The following NLRP12 variants were observed in gnomAD, a reference collection of about 807,000 sequenced individuals.
NLRP12 encodes the protein NLR family pyrin domain containing 12, also known as NACHT, LRR and PYD domains-containing protein 12.
In NLRP12, 108 loss-of-function variants were observed where a neutral mutation model predicts 91.2. The observed-to-expected ratio is 1.18, with a 90% CI of 1.01 to 1.39. NLRP12 has a LOEUF of 1.39. Ranked by LOEUF, NLRP12 falls within the 40% of genes most tolerant of loss-of-function variation. The pLI, the probability that NLRP12 is intolerant of heterozygous loss-of-function variation, is 0.00. For missense variants in NLRP12, 1,530 were observed against 1,352.7 expected (o/e 1.13, Z -2.06); for synonymous variants, 613 against 566.7 (o/e 1.08, Z -1.16).
intron 4 of NLRP12, among the ~76,000 whole-genome samples, chr19:53,806,533 T>A (rs1053164093): frequency 8.0e-5 from 12 of 150,936 alleles, no homozygotes; most frequent in African/African-American, 2.9e-4. Flanking sequence ...TACAAAAAAT[T>A]AGCTGGGCAT....
At chr19:53,823,562 T>A (rs2092301724) in intron 1 of NLRP12, among the ~76,000 whole-genome samples, 1 of 137,258 alleles carries the variant, frequency 7.3e-6, no homozygotes, top group African/African-American at 2.8e-5. Context: ...ATATTTTAAA[T>A]ATTTGAGGCA....
At chr19:53,804,923 G>T (rs1421997684) in intron 5 of NLRP12, among the ~76,000 whole-genome samples, 1 of 151,936 alleles carries the variant, frequency 6.6e-6, no homozygotes, top group Non-Finnish European at 1.5e-5. Context: ...CCAGCTACTT[G>T]GGAGCCTGAG....
At chr19:53,802,580 G>A (rs151193191) in intron 6 of NLRP12, among the ~76,000 whole-genome samples, 11 of 151,652 alleles carry the variant, frequency 7.3e-5, no homozygotes, top group South Asian at 2.1e-4. Flanking sequence ...GGTGGCAGGC[G>A]CCTGTAGTCC....
At chr19:53,819,668 C>CGTATATATATATACACACGTAT (rs1555799178) in intron 1 of NLRP12, among the ~76,000 whole-genome samples, 1 of 8,648 alleles carries the variant, frequency 1.2e-4, no homozygotes, top group Non-Finnish European at 2.8e-4. Context: ...CACATGTATA[C>CGTATATATATATACACACGTAT]ATATATGTAT....
chr19:53,821,031 C>CTTTTTTT (rs1158419664), intron 1 of NLRP12, among the ~76,000 whole-genome samples: 51 of 81,272 alleles, frequency 6.3e-4, no homozygotes, highest in Non-Finnish European at 8.2e-4. Context: ...CATATTTTTT[C>CTTTTTTT]TTTTTTTTTT....
chr19:53,806,246 G>GA (rs2091956213), intron 4 of NLRP12, among the ~76,000 whole-genome samples: 1 of 151,564 alleles, frequency 6.6e-6, no homozygotes, highest in Non-Finnish European at 1.5e-5. Flanking sequence ...AATAACATAT[G>GA]AAAAAAATTT....
intron 1 of NLRP12, among the ~76,000 whole-genome samples, chr19:53,817,539 C>G (rs2092180531): frequency 6.6e-6 from 1 of 151,242 alleles, no homozygotes; most frequent in Admixed American, 6.6e-5. Flanking sequence ...AGTTCAAGAC[C>G]AGTCTGACCA....
At position 53,804,401 on chromosome 19, in the gene NLRP12, G is replaced by GGGTTTTTTT. The variant is rs2091923732; in HGVS notation, c.2415-280_2415-279insAAAAAAACC. 4.2e-5 allele frequency among the ~76,000 whole-genome samples: 3 copies of GGGTTTTTTT among 71,596 alleles called. No homozygotes were observed. In the Admixed American group the frequency reaches 5.9e-4, roughly 14 times the overall value. The allele number at this position is 71,596 out of a possible 152,430, so 47.0% of individuals were successfully genotyped here. On this transcript the variant is annotated intron_variant, in intron 5 of 9. Coordinates refer to ENST00000324134, the MANE Select transcript of NLRP12 (RefSeq NM_144687.4). The stretch of plus-strand genomic sequence containing the variant: ...TTTTTTGTTTTTTTTGGGTTTTTTT[G>GGGTTTTTTT]TTTTTTTTTTTTTTTGAGGTAGAAC...
Position 53,811,181 on chromosome 19 carries a change from G to A in NLRP12, c.478C>T (p.Leu160Phe). 1.2e-6 allele frequency: 2 copies of A among 1,614,112 alleles called. No individual in the cohort carries two copies. The highest frequency in any genetic ancestry group is 1.7e-6 in the Non-Finnish European group (2 of 1,180,024). ...CVNLSHRYTRLLLVKEHSNPM... is the reference protein window; with the variant it reads ...CVNLSHRYTRFLLVKEHSNPM... ...TTTGAGTGCTCCTTCACCAGCAGGA[G>A]CCGGGTGTACCGGTGGCTGAGGTTG... The change falls in exon 3 of 10, where the codon CTC (leucine) becomes TTC (phenylalanine). Residue 160 changes from leucine to phenylalanine, a missense_variant. Transcript: ENST00000324134.
chr19:53,796,814 T>A (rs1204921061), intron 8 of NLRP12, among the ~76,000 whole-genome samples: 1 of 151,416 alleles, frequency 6.6e-6, no homozygotes, highest in Non-Finnish European at 1.5e-5. Flanking sequence ...CTGACCAACA[T>A]GAGAAACCCC....
At chr19:53,799,465 C>A (rs1175358977) in intron 7 of NLRP12, among the ~76,000 whole-genome samples, 2 of 151,732 alleles carry the variant, frequency 1.3e-5, no homozygotes, top group Non-Finnish European at 2.9e-5. Flanking sequence ...ACCACACACA[C>A]ATATACACAA....
chr19:53,796,584 A>C (rs1478104538), intron 8 of NLRP12, among the ~76,000 whole-genome samples: 1 of 151,898 alleles, frequency 6.6e-6, no homozygotes, highest in Non-Finnish European at 1.5e-5. Flanking sequence ...GGATTTCACC[A>C]TGTTGGCCAG....
At chr19:53,820,043 G>C (rs1326287104) in intron 1 of NLRP12, among the ~76,000 whole-genome samples, 1 of 152,080 alleles carries the variant, frequency 6.6e-6, no homozygotes, top group African/African-American at 2.4e-5. Context: ...AAGCTTTGCA[G>C]AAGTGACTGT....
At chr19:53,801,811 G>T (rs959235312) in intron 6 of NLRP12, among the ~76,000 whole-genome samples, 3 of 151,958 alleles carry the variant, frequency 2.0e-5, no homozygotes, top group Non-Finnish European at 2.9e-5. Flanking sequence ...TGGGCAAAAG[G>T]GCCCGGCCTG....
intron 9 of NLRP12, among the ~76,000 whole-genome samples, chr19:53,794,373 G>A (rs1449338072): frequency 6.6e-6 from 1 of 151,236 alleles, no homozygotes; most frequent in East Asian, 2.0e-4. Context: ...AGGCTGGAGT[G>A]CAGTGGTGCA....
chr19:53,796,647 G>T (rs183786004), intron 8 of NLRP12, among the ~76,000 whole-genome samples: 76 of 152,082 alleles, frequency 5.0e-4, no homozygotes, highest in African/African-American at 1.6e-3. Context: ...GCCTCCCAAA[G>T]TGCTGGGATT....
intron 2 of NLRP12, among the ~76,000 whole-genome samples, chr19:53,811,787 G>T (rs554865054): frequency 6.6e-6 from 1 of 151,832 alleles, no homozygotes; most frequent in African/African-American, 2.4e-5. Flanking sequence ...GGATGGTCTC[G>T]ATCTCTTGAC....
Position 53,795,935 on chromosome 19 carries a change from T to G in NLRP12, c.3022A>C (p.Asn1008His). 1 of 1,614,052 alleles carries G rather than the reference T, an allele frequency of 6.2e-7. No individual in the cohort carries two copies. Among genetic ancestry groups the G allele is most frequent in the Non-Finnish European group, 8.5e-7 (1 of 1,179,992 alleles). Residue 1008 changes from asparagine to histidine, a missense_variant, in exon 9 of 10, where the codon AAC becomes CAC. By Grantham distance (68) the Asn-to-His change is moderately conservative. Coordinates refer to ENST00000324134, the MANE Select transcript of NLRP12 (RefSeq NM_144687.4). Reference protein sequence around the residue: ...QTLTDLYLTNNALGDTGVRLL... With the variant: ...QTLTDLYLTNHALGDTGVRLL... Reference sequence around the variant, plus strand: ...CGGACACCTGTGTCCCCTAGGGCGTTGTTGGTCAGGTAAAGGTCGGTCAAG... The same window carrying G: ...CGGACACCTGTGTCCCCTAGGGCGTGGTTGGTCAGGTAAAGGTCGGTCAAG...
rs752815130 is a variant in NLRP12 at position 53,801,271 on chromosome 19, C to A, written c.2712G>T (p.Leu904=). 2.5e-6 allele frequency: 4 copies of A among 1,613,748 alleles called. No homozygotes were observed. The highest frequency in any genetic ancestry group is 1.3e-5 in the African/African-American group (1 of 74,812). The change falls in exon 7 of 10, where the codon CTG becomes CTT. Residue 904 remains leucine, a synonymous_variant. Transcript: ENST00000324134. Reference sequence around the variant, plus strand: ...ACGTGGGATGCCTGAGGCCCTCACACAGCAGCAGCACCCCGAGGTCCCCCA... The same window carrying A: ...ACGTGGGATGCCTGAGGCCCTCACAAAGCAGCAGCACCCCGAGGTCCCCCA... ...NELGDLGVLL[L]CEGLRHPTCK...
Sources: gnomAD v4.1 joint callset for allele counts (sites outside exome capture counted in the v4.1 genomes callset) on GRCh38, gnomAD v4.1.1 for gene constraint, MANE v1.5 for transcripts, NCBI Gene and HGNC (gene_info 2026-07-23, HGNC 2026-07-21) for gene names.